Variants in GRIN2A observed in about 807,000 individuals in gnomAD.
The protein encoded by GRIN2A is glutamate ionotropic receptor NMDA type subunit 2A.
In GRIN2A, 22 loss-of-function variants were observed where a neutral mutation model predicts 113.4. The ratio of observed to expected loss-of-function variants is 0.19; its 90% CI spans 0.14 to 0.28. GRIN2A has a LOEUF of 0.28. Among genes scored for constraint, GRIN2A ranks in the 10% least tolerant of loss-of-function variants. GRIN2A has a pLI of 1.00. For missense variants in GRIN2A, 1,502 were observed against 1,887.0 expected (o/e 0.80, Z 3.78); for synonymous variants, 827 against 738.4 (o/e 1.12, Z -1.94).
chr16:10,037,707 C>A (rs1324333931), intron 2 of GRIN2A, among the ~76,000 whole-genome samples: 1 of 152,120 alleles, frequency 6.6e-6, no homozygotes, highest in African/African-American at 2.4e-5. Context: ...TTCACTGCAG[C>A]CTCTACCTCC....
At chr16:10,076,026 T>C (rs533326072) in intron 2 of GRIN2A, among the ~76,000 whole-genome samples, 2 of 152,236 alleles carry the variant, frequency 1.3e-5, no homozygotes, top group South Asian at 2.1e-4. Context: ...CCGAGACCCA[T>C]CTGCAAGAGT....
chr16:9,948,686 A>T (rs2045086732), intron 2 of GRIN2A, among the ~76,000 whole-genome samples: 1 of 152,236 alleles, frequency 6.6e-6, no homozygotes, highest in East Asian at 1.9e-4. Context: ...GAGTCAGAAC[A>T]TACTGCATGG....
intron 2 of GRIN2A, among the ~76,000 whole-genome samples, chr16:10,016,511 A>G (rs1049300227): frequency 1.3e-5 from 2 of 152,168 alleles, no homozygotes; most frequent in African/African-American, 4.8e-5. Context: ...TCAGTGGACA[A>G]TGCAAAGGGT....
chr16:9,787,777 C>G (rs1404240786), intron 11 of GRIN2A, among the ~76,000 whole-genome samples: 1 of 152,176 alleles, frequency 6.6e-6, no homozygotes, highest in Non-Finnish European at 1.5e-5. Context: ...AAAACTGTCC[C>G]ATCCTCTCAA....
intron 11 of GRIN2A, among the ~76,000 whole-genome samples, chr16:9,782,460 T>C (rs1232415546): frequency 6.6e-6 from 1 of 152,130 alleles, no homozygotes; most frequent in East Asian, 1.9e-4. Context: ...CAAATTAAAG[T>C]GTTTAAAAAA....
At chr16:9,846,293 A>G (rs1309151821) in intron 5 of GRIN2A, among the ~76,000 whole-genome samples, 1 of 152,174 alleles carries the variant, frequency 6.6e-6, no homozygotes, top group African/African-American at 2.4e-5. Flanking sequence ...GACACTGGAG[A>G]AAGCAAGGGC....
intron 2 of GRIN2A, among the ~76,000 whole-genome samples, chr16:9,947,841 T>A (rs1386688654): frequency 4.6e-5 from 7 of 152,058 alleles, no homozygotes; most frequent in Admixed American, 3.3e-4. Flanking sequence ...TTGTTGTGAT[T>A]GGGATAATGC....
intron 2 of GRIN2A, among the ~76,000 whole-genome samples, chr16:9,966,594 G>T (rs375361597): frequency 6.6e-6 from 1 of 152,160 alleles, no homozygotes; most frequent in African/African-American, 2.4e-5. Flanking sequence ...ACACATGCCC[G>T]TGTCCTTATA....
chr16:10,070,096 G>A (rs762157434), intron 2 of GRIN2A, among the ~76,000 whole-genome samples: 5 of 152,196 alleles, frequency 3.3e-5, no homozygotes, highest in Non-Finnish European at 7.3e-5. Context: ...GGCAACGTCT[G>A]CTCTTCTCTA....
intron 2 of GRIN2A, among the ~76,000 whole-genome samples, chr16:10,071,649 G>A (rs2047752450): frequency 6.6e-6 from 1 of 152,158 alleles, no homozygotes; most frequent in Non-Finnish European, 1.5e-5. Context: ...ACCAGACAGG[G>A]CTCAGGTGGT....
At chr16:9,972,467 T>C (rs530395566) in intron 2 of GRIN2A, among the ~76,000 whole-genome samples, 50 of 152,148 alleles carry the variant, frequency 3.3e-4, no homozygotes, top group African/African-American at 1.1e-3. Flanking sequence ...CCAATCCCAA[T>C]ATGATCCAGG....
chr16:10,002,730 T>C (rs556031961), intron 2 of GRIN2A, among the ~76,000 whole-genome samples: 1 of 152,220 alleles, frequency 6.6e-6, no homozygotes, highest in Non-Finnish European at 1.5e-5. Flanking sequence ...TACAACTTGA[T>C]GTTGCCAGCT....
intron 4 of GRIN2A, among the ~76,000 whole-genome samples, chr16:9,860,629 T>G (rs2043051687): frequency 6.6e-6 from 1 of 152,064 alleles, no homozygotes; most frequent in Admixed American, 6.5e-5. Context: ...CTCAATGTAG[T>G]GCAGAGATAG....
chr16:9,969,185 G>A (rs919941874), intron 2 of GRIN2A, among the ~76,000 whole-genome samples: 1 of 152,086 alleles, frequency 6.6e-6, no homozygotes, highest in Non-Finnish European at 1.5e-5. Flanking sequence ...CTGTGGTCAA[G>A]GTGATCTCCT....
chr16:9,983,781 A>G (rs1026714597), intron 2 of GRIN2A, among the ~76,000 whole-genome samples: 1 of 152,184 alleles, frequency 6.6e-6, no homozygotes, highest in African/African-American at 2.4e-5. Flanking sequence ...TCCATTGTGT[A>G]TACATACCAC....
chr16:10,130,259 G>A (rs2049034411), intron 2 of GRIN2A, among the ~76,000 whole-genome samples: 1 of 152,186 alleles, frequency 6.6e-6, no homozygotes, highest in Non-Finnish European at 1.5e-5. Flanking sequence ...TTCCAGGCCA[G>A]GTTCAGGGAA....
At chr16:9,866,711 T>A (rs2043165606) in intron 4 of GRIN2A, among the ~76,000 whole-genome samples, 1 of 152,198 alleles carries the variant, frequency 6.6e-6, no homozygotes, top group South Asian at 2.1e-4. Flanking sequence ...CATAAACACA[T>A]CCATACTTGT....
intron 10 of GRIN2A, among the ~76,000 whole-genome samples, chr16:9,813,401 G>A (rs990027562): frequency 2.0e-5 from 3 of 152,118 alleles, no homozygotes; most frequent in Non-Finnish European, 2.9e-5. Flanking sequence ...GCTATTGCAA[G>A]TAATACTGTG....
intron 2 of GRIN2A, among the ~76,000 whole-genome samples, chr16:10,089,724 T>C (rs1404289374): frequency 6.6e-6 from 1 of 152,118 alleles, no homozygotes; most frequent in Non-Finnish European, 1.5e-5. Flanking sequence ...CAGATAATAA[T>C]AACAGAGGTC....
Sources: allele counts gnomAD v4.1 joint callset (sites outside exome capture counted in the v4.1 genomes callset), GRCh38; gene constraint gnomAD v4.1.1; transcripts MANE v1.5; gene names NCBI Gene and HGNC (gene_info 2026-07-23, HGNC 2026-07-21).